Variants in ATG16L2 observed in about 807,000 individuals in gnomAD.
ATG16L2 encodes protein Atg16l2.
In ATG16L2, 77 loss-of-function variants were observed where a neutral mutation model predicts 84.7. That is an observed-to-expected ratio of 0.91 (90% CI 0.76 to 1.10). The LOEUF (loss-of-function observed/expected upper bound fraction) is 1.10, where lower values mean the gene tolerates loss of function less well. ATG16L2 is among the 50% of genes least tolerant of loss of function. ATG16L2 has a pLI of 0.00. For synonymous variants in ATG16L2, 361 were observed against 342.8 expected, an observed-to-expected ratio of 1.05 and a Z score of -0.59; for missense variants, 782 against 817.6, an observed-to-expected ratio of 0.96 and a Z score of 0.53.
At chr11:72,824,558 C>T in intron 8 of ATG16L2, 176 bp from the exon 9 acceptor site, 1 of 627,078 alleles carries the variant, frequency 1.6e-6, no homozygotes, top group Non-Finnish European at 2.9e-6. Context: ...CACCCCGTCT[C>T]CACACCAACC....
At chr11:72,835,123 C>T (rs1025694947) in intron 5 of ATG16L2, among the ~76,000 whole-genome samples, 4 of 152,182 alleles carry the variant, frequency 2.6e-5, no homozygotes, top group Admixed American at 6.5e-5. Flanking sequence ...TTAGCTATGA[C>T]GCTGGGGTGA....
rs780009142 is a variant in ATG16L2 at position 72,824,094 on chromosome 11, T to A, written c.859T>A (p.Cys287Ser). The change falls in exon 8 of 18, where the codon TGT becomes AGT. Residue 287 changes from cysteine (C) to serine (S), a missense_variant. Cys to Ser is a moderately radical substitution (Grantham distance 112). Transcript: ENST00000321297. Reference sequence around the variant, plus strand: ...AGCCACCTCCCTGACGCTGTCCCACTGTGTGGATGTGGTGAAGGGGCTTCT... The same window carrying A: ...AGCCACCTCCCTGACGCTGTCCCACAGTGTGGATGTGGTGAAGGGGCTTCT... ...ASATSLTLSH[C>S]VDVVKGLLDF... The A allele has an allele frequency of 1.2e-6, 2 of 1,614,212 alleles. No individual in the cohort carries two copies. The highest frequency in any genetic ancestry group is 2.2e-5 in the South Asian group (2 of 91,090).
At position 72,824,825 on chromosome 11, in the gene ATG16L2, C is replaced by A. The variant is rs146520723; in HGVS notation, c.979C>A (p.Arg327=). The change falls in exon 9 of 18, where the codon CGG becomes AGG. Residue 327 remains arginine (R), a synonymous_variant. Coordinates refer to ENST00000321297, the MANE Select transcript of ATG16L2 (RefSeq NM_033388.2). The part of the protein sequence containing the change: ...PVCVAARLPT[R]AQDVLDAHLS... The stretch of plus-strand genomic sequence containing the variant: ...GTGTGTGGCTGCCCGACTTCCTACC[C>A]GGGCTCAGGATGTGCTGGTAAGGGA... The A allele has an allele frequency of 1.9e-6, 3 of 1,595,290 alleles. No homozygotes were observed. The South Asian group carries it at 3.4e-5, about 18-fold the overall frequency.
At chr11:72,841,362 A>C in intron 5 of ATG16L2, 4 of 1,124,922 alleles carry the variant, frequency 3.6e-6, no homozygotes, top group Non-Finnish European at 3.7e-6. Context: ...AAAAAAAAAA[A>C]AAGCAAATGC....
intron 5 of ATG16L2, chr11:72,836,795 T>G (rs1860741844): frequency 6.6e-6 from 1 of 152,624 alleles, no homozygotes; most frequent in Non-Finnish European, 1.5e-5. Flanking sequence ...AAATACAAAC[T>G]TTTTACAGCC....
intron 5 of ATG16L2, among the ~76,000 whole-genome samples, chr11:72,835,747 ATTTTTT>A (rs112275640): frequency 1.4e-5 from 2 of 139,498 alleles, no homozygotes; most frequent in African/African-American, 5.3e-5. Context: ...ACTGGAACAT[ATTTTTT>A]TTTTTTTTTT....
intron 1 of ATG16L2, among the ~76,000 whole-genome samples, chr11:72,815,050 G>A (rs949659908): frequency 2.6e-5 from 4 of 152,246 alleles, no homozygotes; most frequent in African/African-American, 9.6e-5. Context: ...GCTGACAGGC[G>A]ACGCTGGCAC....
intron 1 of ATG16L2, among the ~76,000 whole-genome samples, chr11:72,814,952 T>A (rs184479860): frequency 3.3e-5 from 5 of 152,352 alleles, no homozygotes; most frequent in African/African-American, 9.6e-5. Flanking sequence ...AACGCGGGAC[T>A]TGTCCAGAGC....
At chr11:72,825,097 G>A (rs945483024) in intron 9 of ATG16L2, among the ~76,000 whole-genome samples, 2 of 152,150 alleles carry the variant, frequency 1.3e-5, no homozygotes, top group Admixed American at 6.5e-5. Context: ...AGCATAGCAC[G>A]GAGGCTGCTG....
In ATG16L2 at chr11:72,822,517, T is replaced by TG; in HGVS notation, c.685dup (p.Ala229GlyfsTer30). The TG allele has an allele frequency of 6.2e-7, 1 of 1,612,792 alleles. No individual in the cohort carries two copies. Among genetic ancestry groups the TG allele is most frequent in the Non-Finnish European group, 8.5e-7 (1 of 1,179,398 alleles). On this transcript the variant is annotated frameshift_variant, in exon 6 of 18. Coordinates refer to ENST00000321297, the MANE Select transcript of ATG16L2 (RefSeq NM_033388.2). LOFTEE classifies it high-confidence loss of function. The surrounding 1 kb of genome is among the most constrained non-coding windows in gnomAD (Gnocchi z 4.2). ...GGGTGTCCCAGGAGCTGAAGAAGGC[T>TG]GCCAAGCGGACCGTGAGCATCAGCG...
chr11:72,829,130 T>C (rs1157433277), intron 17 of ATG16L2, 146 bp downstream of exon 17: 4 of 1,088,802 alleles, frequency 3.7e-6, no homozygotes, highest in Non-Finnish European at 4.0e-6. Context: ...CACAAGGTAC[T>C]TTCCACACGC....
At chr11:72,823,178 T>G in intron 7 of ATG16L2, 1 of 489,148 alleles carries the variant, frequency 2.0e-6, no homozygotes. Flanking sequence ...CCCTCAACCC[T>G]TTCCCTCCTT....
At chr11:72,819,717 G>T (rs1859873289) in intron 3 of ATG16L2, among the ~76,000 whole-genome samples, 1 of 152,044 alleles carries the variant, frequency 6.6e-6, no homozygotes, top group Non-Finnish European at 1.5e-5. Flanking sequence ...TGCGCCAGAG[G>T]ATGGGGGCAG....
In ATG16L2 at chr11:72,822,358, C is replaced by T. The variant is rs2135097162; in HGVS notation, c.644+63C>T. ...CCGCCCCTGCAGGGAGGAGTCGGGC[C>T]TCGCCGGTGTCTGGAAGGGAGGGGG... On this transcript the variant is annotated intron_variant, in intron 5 of 17. Transcript: ENST00000321297. This position sits in a 1 kb window ranked among gnomAD's most constrained non-coding sequence, Gnocchi z 4.2. 1.3e-6 allele frequency: 2 copies of T among 1,555,722 alleles called. No individual in the cohort carries two copies. Among genetic ancestry groups the T allele is most frequent in the African/African-American group, 2.7e-5 (2 of 73,278 alleles).
At chr11:72,826,108 C>A in intron 10 of ATG16L2, 65 bp from the exon 11 acceptor site, 1 of 1,369,002 alleles carries the variant, frequency 7.3e-7, no homozygotes, top group Non-Finnish European at 1.0e-6. Flanking sequence ...CGCTCTCAAT[C>A]CCAATTCCTC....
chr11:72,826,794 TGAA>T lies in ATG16L2; in HGVS notation c.1339_1341del (p.Lys447del), dbSNP rs967682578. 1 of 1,613,704 alleles carries T rather than the reference TGAA, an allele frequency of 6.2e-7. No individual in the cohort carries two copies. The highest frequency in any genetic ancestry group is 1.3e-5 in the African/African-American group (1 of 74,836). On this transcript the variant is annotated inframe_deletion, in exon 13 of 18. Transcript: ENST00000321297. ...GTGACTGGGAGCCGCGACCGGACAG[TGAA>T]GGAGTGGGACCTCGGCCGTGCCTAT...
At chr11:72,841,340 CAAAAAAA>C (rs59748827) in intron 5 of ATG16L2, 734 of 373,074 alleles carry the variant, frequency 2.0e-3, no homozygotes, top group East Asian at 2.7e-3. Context: ...ACTCTGTCTC[CAAAAAAA>C]AAAAAAAAAA....
At chr11:72,843,325 G>A in exon 6 of ATG16L2, 1 of 1,613,004 alleles carries the variant, frequency 6.2e-7, no homozygotes, top group Non-Finnish European at 8.5e-7. Context: ...ACTTTATTTC[G>A]AGCCTGGGTA....
chr11:72,829,257 C>A, intron 17 of ATG16L2, 46 bp from the exon 18 acceptor site: 1 of 1,593,908 alleles, frequency 6.3e-7, no homozygotes, highest in South Asian at 1.1e-5. Context: ...AGGTTGCAGG[C>A]GCAGTTCCTG....
Sources: gnomAD v4.1 joint callset for allele counts (sites outside exome capture counted in the v4.1 genomes callset) on GRCh38, gnomAD v4.1.1 for gene constraint, Gnocchi (gnomAD v3.1) non-coding constraint, MANE v1.5 for transcripts, NCBI Gene and HGNC (gene_info 2026-07-23, HGNC 2026-07-21) for gene names.